Variants in LUZP2 observed in about 807,000 individuals in gnomAD.
LUZP2 encodes leucine zipper protein 2.
Under a neutral mutation model 51.6 loss-of-function variants are expected in LUZP2, and 52 were observed. The observed-to-expected ratio is 1.01, with a 90% CI of 0.81 to 1.27. The LOEUF is 1.27. Among genes scored for constraint, LUZP2 ranks in the 50% most tolerant of loss-of-function variants. The probability of loss-of-function intolerance (pLI) is 0.00; values close to 1 mark genes in which losing one functional copy is unlikely to be tolerated. For synonymous variants in LUZP2, 154 were observed against 137.3 expected (o/e 1.12, Z -0.85); for missense variants, 436 against 395.4 (o/e 1.10, Z -0.87).
chr11:24,990,332 GTA>G (rs1445907251), intron 9 of LUZP2, among the ~76,000 whole-genome samples: 1 of 151,804 alleles, frequency 6.6e-6, no homozygotes, highest in Non-Finnish European at 1.5e-5. Flanking sequence ...TATAATTTTT[GTA>G]TATGTTTTAT....
chr11:24,551,347 A>G (rs758619148), intron 1 of LUZP2, among the ~76,000 whole-genome samples: 67 of 152,060 alleles, frequency 4.4e-4, no homozygotes, highest in Admixed American at 1.3e-3. Context: ...AGAAGACAAT[A>G]TATTGTATTA....
At chr11:24,625,350 A>G (rs1222593150) in intron 1 of LUZP2, among the ~76,000 whole-genome samples, 1 of 151,990 alleles carries the variant, frequency 6.6e-6, no homozygotes, top group African/African-American at 2.4e-5. Flanking sequence ...CATTTCAAAA[A>G]AAAAAGGAAG....
chr11:24,666,080 A>G (rs1268403767), intron 1 of LUZP2, among the ~76,000 whole-genome samples: 1 of 152,202 alleles, frequency 6.6e-6, no homozygotes, highest in Non-Finnish European at 1.5e-5. Flanking sequence ...GAAGAATTTT[A>G]CTAACTTACA....
chr11:24,566,865 ATACACATATT>A, intron 1 of LUZP2, among the ~76,000 whole-genome samples: 1 of 132,680 alleles, frequency 7.5e-6, no homozygotes, highest in South Asian at 2.3e-4. Flanking sequence ...TATAATGTAT[ATACACATATT>A]TATAACATAT....
chr11:24,885,791 G>A (rs1440917056), intron 5 of LUZP2, among the ~76,000 whole-genome samples: 2 of 152,194 alleles, frequency 1.3e-5, no homozygotes, highest in African/African-American at 2.4e-5. Flanking sequence ...TGGGAGATAA[G>A]GAACTAACAC....
chr11:24,841,482 A>T (rs2134201030), intron 5 of LUZP2, among the ~76,000 whole-genome samples: 1 of 152,212 alleles, frequency 6.6e-6, no homozygotes, highest in East Asian at 1.9e-4. Context: ...GGTAGGTAAG[A>T]ATTCAAAAAA....
At chr11:25,037,721 T>G (rs974607318) in intron 9 of LUZP2, among the ~76,000 whole-genome samples, 1 of 152,178 alleles carries the variant, frequency 6.6e-6, no homozygotes, top group Admixed American at 6.5e-5. Flanking sequence ...CTATTAAGCT[T>G]ATTTTGGTAG....
intron 1 of LUZP2, among the ~76,000 whole-genome samples, chr11:24,683,542 T>G (rs1197722176): frequency 6.6e-6 from 1 of 152,222 alleles, no homozygotes; most frequent in East Asian, 1.9e-4. Flanking sequence ...GCATAATTTA[T>G]TTTTCTTCTC....
intron 1 of LUZP2, among the ~76,000 whole-genome samples, chr11:24,567,464 T>C (rs1438415203): frequency 6.6e-6 from 1 of 152,040 alleles, no homozygotes; most frequent in East Asian, 1.9e-4. Flanking sequence ...CATTAGTATA[T>C]ACATTCACTA....
intron 5 of LUZP2, among the ~76,000 whole-genome samples, chr11:24,773,831 A>C (rs1011694382): frequency 6.6e-6 from 1 of 152,162 alleles, no homozygotes; most frequent in East Asian, 1.9e-4. Context: ...AATCTCTAGC[A>C]TGGTCATCTC....
rs1163482956 is a variant in LUZP2, at chr11:24,597,113, G to A, written c.62+99808G>A. On this transcript the variant is annotated intron_variant, in intron 1 of 11. Transcript: ENST00000336930. ...GGTTAGAGTCAAAAACAACACTTGT[G>A]CATTACGAAGGAGTAATTAAGGGCA... Among the ~76,000 whole-genome samples, 2 of 152,140 alleles carry A rather than the reference G, an allele frequency of 1.3e-5. 1 individual carries two copies. Among genetic ancestry groups the A allele is most frequent in the East Asian group, 3.9e-4 (2 of 5,194 alleles).
intron 7 of LUZP2, among the ~76,000 whole-genome samples, chr11:24,922,986 T>C (rs1383198870): frequency 1.3e-5 from 2 of 151,330 alleles, no homozygotes; most frequent in African/African-American, 2.4e-5. Flanking sequence ...GTAGCTGGGA[T>C]TACAGGCACC....
intron 4 of LUZP2, among the ~76,000 whole-genome samples, chr11:24,747,042 CT>C (rs995117530): frequency 3.3e-5 from 5 of 152,110 alleles, no homozygotes; most frequent in African/African-American, 1.2e-4. Flanking sequence ...CGCCTGAATT[CT>C]TTTTCAGGTA....
chr11:24,807,345 G>T (rs1283810426), intron 5 of LUZP2, among the ~76,000 whole-genome samples: 3 of 151,584 alleles, frequency 2.0e-5, no homozygotes, highest in African/African-American at 7.3e-5. Context: ...GCCTGTAATC[G>T]CAGCTACTTG....
intron 7 of LUZP2, among the ~76,000 whole-genome samples, chr11:24,948,383 T>A (rs1417401129): frequency 9.0e-6 from 1 of 111,470 alleles, no homozygotes; most frequent in East Asian, 2.0e-4. Context: ...ATATTTATAA[T>A]AACTCTTTTA....
At chr11:24,858,505 G>A (rs1347290681) in intron 5 of LUZP2, among the ~76,000 whole-genome samples, 40 of 152,076 alleles carry the variant, frequency 2.6e-4, no homozygotes, top group Non-Finnish European at 2.9e-5. Flanking sequence ...TAGAGAAAAT[G>A]GAATGTAAAA....
At chr11:25,013,105 G>A (rs1225094150) in intron 9 of LUZP2, among the ~76,000 whole-genome samples, 9 of 152,144 alleles carry the variant, frequency 5.9e-5, no homozygotes, top group Admixed American at 3.9e-4. Flanking sequence ...ATTATCTTAA[G>A]TGAAATAAGC....
chr11:24,996,571 TTTTTTATTTTATTTTA>T (rs1856506634), intron 9 of LUZP2, among the ~76,000 whole-genome samples: 1 of 145,136 alleles, frequency 6.9e-6, no homozygotes, highest in African/African-American at 2.6e-5. Flanking sequence ...TCTTTTTTCT[TTTTTTATTTTATTTTA>T]TTTTATTTTA....
chr11:24,780,670 A>G (rs1849065547), intron 5 of LUZP2, among the ~76,000 whole-genome samples: 1 of 152,150 alleles, frequency 6.6e-6, no homozygotes, highest in South Asian at 2.1e-4. Context: ...GCCAGACTCC[A>G]TATTACCAAG....
Sources: gnomAD v4.1 joint callset for allele counts (sites outside exome capture counted in the v4.1 genomes callset) on GRCh38, gnomAD v4.1.1 for gene constraint, MANE v1.5 for transcripts, NCBI Gene and HGNC (gene_info 2026-07-23, HGNC 2026-07-21) for gene names.